NELL1: variants seen among roughly 807,000 people sequenced by gnomAD.
NELL1 encodes protein kinase C-binding protein NELL1.
A neutral mutation model predicts 107.4 loss-of-function variants in NELL1; 76 were observed. That is an observed-to-expected ratio of 0.71 (90% CI 0.59 to 0.86). The LOEUF (loss-of-function observed/expected upper bound fraction) is 0.86. NELL1 is among the 40% of genes least tolerant of loss of function. The pLI is 0.00. For missense variants in NELL1, 1,024 were observed against 1,005.5 expected, an observed-to-expected ratio of 1.02 and a Z score of -0.25; for synonymous variants, 353 against 341.2, an observed-to-expected ratio of 1.03 and a Z score of -0.38.
intron 13 of NELL1, among the ~76,000 whole-genome samples, chr11:21,132,062 T>A (rs1185007263): frequency 2.6e-5 from 4 of 152,144 alleles, no homozygotes; most frequent in Non-Finnish European, 4.4e-5. Flanking sequence ...ATCACCCCTC[T>A]GGCATTGACT....
At chr11:21,055,428 A>G (rs940704405) in intron 12 of NELL1, among the ~76,000 whole-genome samples, 1 of 152,142 alleles carries the variant, frequency 6.6e-6, no homozygotes, top group Non-Finnish European at 1.5e-5. Flanking sequence ...TAACGCTTTT[A>G]TGTGAACACA....
At chr11:21,003,396 A>G (rs995110795) in intron 12 of NELL1, among the ~76,000 whole-genome samples, 1 of 152,180 alleles carries the variant, frequency 6.6e-6, no homozygotes, top group Admixed American at 6.5e-5. Flanking sequence ...TGCAATGGTT[A>G]CTAAAATGCC....
intron 2 of NELL1, among the ~76,000 whole-genome samples, chr11:20,700,890 T>G (rs1279517934): frequency 6.6e-6 from 1 of 152,234 alleles, no homozygotes; most frequent in Non-Finnish European, 1.5e-5. Flanking sequence ...TGCCACATTT[T>G]CTTAACCCAA....
At chr11:21,391,364 C>T (rs1033486119) in intron 15 of NELL1, among the ~76,000 whole-genome samples, 2 of 151,594 alleles carry the variant, frequency 1.3e-5, no homozygotes, top group African/African-American at 4.8e-5. Context: ...GGGCTGGAGA[C>T]TTTGAAAAAC....
chr11:20,731,516 C>G (rs1855643520), intron 2 of NELL1, among the ~76,000 whole-genome samples: 1 of 152,134 alleles, frequency 6.6e-6, no homozygotes, highest in East Asian at 1.9e-4. Flanking sequence ...GCCTATGGCT[C>G]TGTAAGTGTA....
At chr11:21,170,214 G>A (rs1429577018) in intron 13 of NELL1, 3 of 481,926 alleles carry the variant, frequency 6.2e-6, no homozygotes, top group Admixed American at 3.4e-5. Context: ...TGTCGAACGT[G>A]TTGGGAAAAT....
intron 15 of NELL1, among the ~76,000 whole-genome samples, chr11:21,424,060 T>G (rs1852759714): frequency 6.6e-6 from 1 of 151,928 alleles, no homozygotes; most frequent in Non-Finnish European, 1.5e-5. Context: ...CTTTATAACT[T>G]CAGGAGCTAG....
At position 21,289,801 on chromosome 11, in the gene NELL1, G is replaced by A. The variant is rs186296738; in HGVS notation, c.1549+60347G>A. ...AGTCAACCTGGAATGCTTGAGCTTG[G>A]TGGAGGGAGGGGCATCCGCCATTAC... is the stretch of plus-strand genomic sequence containing the variant. On this transcript the variant is annotated intron_variant, in intron 14 of 19. Coordinates refer to ENST00000357134, the MANE Select transcript of NELL1 (RefSeq NM_006157.5). Among the ~76,000 whole-genome samples the A allele has an allele frequency of 3.9e-3, 599 of 152,264 alleles. 7 individuals are homozygous for A. Among genetic ancestry groups the A allele is most frequent in the African/African-American group, 0.014 (569 of 41,568 alleles).
chr11:21,053,321 C>G (rs1853541308), intron 12 of NELL1, among the ~76,000 whole-genome samples: 1 of 152,084 alleles, frequency 6.6e-6, no homozygotes, highest in Admixed American at 6.6e-5. Flanking sequence ...TTCCCTGTGT[C>G]CATGTGTTTT....
intron 16 of NELL1, among the ~76,000 whole-genome samples, chr11:21,542,832 T>C (rs1173220488): frequency 1.3e-5 from 2 of 152,024 alleles, no homozygotes; most frequent in Non-Finnish European, 2.9e-5. Flanking sequence ...TTATTTAAAA[T>C]ACAAATATTT....
chr11:21,236,151 A>G (rs999353833), intron 14 of NELL1, among the ~76,000 whole-genome samples: 1 of 152,052 alleles, frequency 6.6e-6, no homozygotes, highest in Non-Finnish European at 1.5e-5. Flanking sequence ...CTGAAATCCT[A>G]TTCATCCCTC....
At chr11:21,347,376 G>C (rs1260116624) in intron 14 of NELL1, among the ~76,000 whole-genome samples, 1 of 152,186 alleles carries the variant, frequency 6.6e-6, no homozygotes, top group Non-Finnish European at 1.5e-5. Flanking sequence ...GCTGAGGTAG[G>C]TGGATCACCT....
At chr11:21,069,611 A>G (rs996468562) in intron 12 of NELL1, among the ~76,000 whole-genome samples, 1 of 152,106 alleles carries the variant, frequency 6.6e-6, no homozygotes, top group African/African-American at 2.4e-5. Flanking sequence ...AATTAAAGCT[A>G]CTCTTCCATA....
At position 21,325,560 on chromosome 11, in the gene NELL1, A is replaced by AT. The variant is rs148925123; in HGVS notation, c.1550-45286dup. On this transcript the variant is annotated intron_variant, in intron 14 of 19. Transcript: ENST00000357134. ...AACCTTTTCATTGCTAATAAGATTG[A>AT]TTTTTTTCCCCATTTCTATACTGGT... 1.4e-4 allele frequency among the ~76,000 whole-genome samples: 21 copies of AT among 151,760 alleles called. No homozygotes were observed. In the East Asian group the frequency reaches 2.5e-3, roughly 18 times the overall value.
intron 3 of NELL1, among the ~76,000 whole-genome samples, chr11:20,789,279 C>T (rs1332669055): frequency 6.6e-6 from 1 of 152,178 alleles, no homozygotes; most frequent in Non-Finnish European, 1.5e-5. Flanking sequence ...TGTGAGTGAG[C>T]AAGGGGTCTG....
intron 12 of NELL1, among the ~76,000 whole-genome samples, chr11:20,985,015 T>G (rs1218993663): frequency 1.3e-5 from 2 of 152,204 alleles, no homozygotes; most frequent in African/African-American, 4.8e-5. Flanking sequence ...GGGTCAACTT[T>G]GTTTGCTGAA....
chr11:20,771,716 G>A (rs1856644719), intron 2 of NELL1, among the ~76,000 whole-genome samples: 1 of 152,140 alleles, frequency 6.6e-6, no homozygotes, highest in African/African-American at 2.4e-5. Context: ...TTTCTGTCAG[G>A]CTTAATACAA....
intron 4 of NELL1, among the ~76,000 whole-genome samples, chr11:20,858,128 G>A (rs1234368751): frequency 1.3e-5 from 2 of 152,140 alleles, no homozygotes; most frequent in East Asian, 3.9e-4. Context: ...TTAGAGCAGT[G>A]AAGTACTCTA....
intron 13 of NELL1, among the ~76,000 whole-genome samples, chr11:21,219,442 T>C (rs1239570861): frequency 6.6e-6 from 1 of 152,208 alleles, no homozygotes; most frequent in Non-Finnish European, 1.5e-5. Flanking sequence ...GTCTCTATAC[T>C]CTGTTGTTTC....
Sources: gnomAD v4.1 joint callset for allele counts (sites outside exome capture counted in the v4.1 genomes callset) on GRCh38, gnomAD v4.1.1 for gene constraint, MANE v1.5 for transcripts, NCBI Gene and HGNC (gene_info 2026-07-23, HGNC 2026-07-21) for gene names.